ADAM32: variants seen among roughly 807,000 people sequenced by gnomAD.
The protein encoded by ADAM32 is disintegrin and metalloproteinase domain-containing protein 32.
In ADAM32, 89 loss-of-function variants were observed where a neutral mutation model predicts 114.9. That is an observed-to-expected ratio of 0.77 (90% CI 0.65 to 0.92). The LOEUF (loss-of-function observed/expected upper bound fraction) is 0.92. Among genes scored for constraint, ADAM32 ranks in the 40% least tolerant of loss-of-function variants. The pLI, the probability that ADAM32 is intolerant of heterozygous loss-of-function variation, is 0.00. For synonymous variants in ADAM32, 285 were observed against 307.5 expected (o/e 0.93, Z 0.77); for missense variants, 870 against 932.8 (o/e 0.93, Z 0.88).
At chr8:39,284,317 A>G (rs967563825) in intron 24 of ADAM32, among the ~76,000 whole-genome samples, 4 of 151,960 alleles carry the variant, frequency 2.6e-5, no homozygotes, top group African/African-American at 9.7e-5. Context: ...ATAATGCTTC[A>G]GGTCTATGAA....
At chr8:39,123,569 C>T (rs1193286526) in intron 2 of ADAM32, among the ~76,000 whole-genome samples, 1 of 152,192 alleles carries the variant, frequency 6.6e-6, no homozygotes, top group East Asian at 1.9e-4. Flanking sequence ...ATAGAGATTA[C>T]ATTTAATATG....
rs1459562001 is a variant in ADAM32 at position 39,190,524 on chromosome 8, T to C, written c.1052+3479T>C. On this transcript the variant is annotated intron_variant, in intron 11 of 24. Transcript: ENST00000379907. The stretch of plus-strand genomic sequence containing the variant: ...ACATTCCCACTGACAGCGTATGAGT[T>C]GCCTTTTCTCAACATCATCACCAGT... 2.0e-5 allele frequency among the ~76,000 whole-genome samples: 3 copies of C among 152,376 alleles called. No individual in the cohort carries two copies. The East Asian group carries it at 5.8e-4, about 29-fold the overall frequency.
intron 19 of ADAM32, among the ~76,000 whole-genome samples, chr8:39,266,771 G>A (rs1227818363): frequency 2.0e-5 from 3 of 152,176 alleles, no homozygotes; most frequent in Non-Finnish European, 4.4e-5. Context: ...TTTCTCATTT[G>A]TGTGGGCTGA....
At chr8:39,203,883 A>T (rs1331767979) in intron 11 of ADAM32, among the ~76,000 whole-genome samples, 1 of 152,018 alleles carries the variant, frequency 6.6e-6, no homozygotes, top group East Asian at 1.9e-4. Flanking sequence ...TTTCTCCTTC[A>T]CTTATGAAGC....
At chr8:39,243,146 A>G (rs753119626) in intron 16 of ADAM32, among the ~76,000 whole-genome samples, 7 of 152,168 alleles carry the variant, frequency 4.6e-5, no homozygotes, top group Non-Finnish European at 1.0e-4. Context: ...AATAAAAACC[A>G]TTACCAATGA....
At chr8:39,173,742 C>T (rs1277186074) in intron 10 of ADAM32, among the ~76,000 whole-genome samples, 1 of 152,088 alleles carries the variant, frequency 6.6e-6, no homozygotes, top group Non-Finnish European at 1.5e-5. Flanking sequence ...TTTCCCATGC[C>T]TCTGTCCTGA....
chr8:39,268,930 T>G (rs1364395453), intron 19 of ADAM32, among the ~76,000 whole-genome samples: 1 of 152,214 alleles, frequency 6.6e-6, no homozygotes, highest in African/African-American at 2.4e-5. Context: ...TATATTCAAC[T>G]CAGGTGGAAC....
intron 11 of ADAM32, among the ~76,000 whole-genome samples, chr8:39,203,280 G>T (rs1041906249): frequency 3.3e-5 from 5 of 152,064 alleles, no homozygotes; most frequent in Non-Finnish European, 5.9e-5. Context: ...TCTCTTTGTA[G>T]GTCTCTAAGG....
intron 3 of ADAM32, among the ~76,000 whole-genome samples, chr8:39,138,636 G>A (rs1802953297): frequency 2.0e-5 from 3 of 152,148 alleles, no homozygotes; most frequent in Admixed American, 2.0e-4. Flanking sequence ...ATAAACATAT[G>A]TGTGCATGTG....
intron 11 of ADAM32, among the ~76,000 whole-genome samples, chr8:39,189,465 T>C (rs1191895177): frequency 6.6e-6 from 1 of 152,166 alleles, no homozygotes; most frequent in East Asian, 1.9e-4. Context: ...AAATGTATTA[T>C]TATTATTGAA....
chr8:39,230,756 T>G (rs1393900784), intron 14 of ADAM32, among the ~76,000 whole-genome samples: 3 of 152,130 alleles, frequency 2.0e-5, no homozygotes, highest in Non-Finnish European at 4.4e-5. Flanking sequence ...GAAAAAAATG[T>G]GTATCATAGA....
At chr8:39,164,560 T>C (rs961443285) in intron 7 of ADAM32, among the ~76,000 whole-genome samples, 18 of 152,202 alleles carry the variant, frequency 1.2e-4, no homozygotes, top group African/African-American at 3.9e-4. Context: ...TACCAAATTA[T>C]TTTCCAGAGT....
rs201011367 is a variant in ADAM32, at chr8:39,217,115, A to ATT, written c.1234-4494_1234-4493insTT. Among the ~76,000 whole-genome samples, 615 of 131,678 alleles carry ATT rather than the reference A, an allele frequency of 4.7e-3. 1 individual carries two copies. The highest frequency in any genetic ancestry group is 0.018 in the African/African-American group (584 of 33,142). The allele number at this position is 131,678 out of a possible 152,430, so 86.4% of individuals were successfully genotyped here. A position where few individuals can be genotyped will look rare whatever the true frequency, so the allele number is the denominator to read the frequency against. ...CATTATGTTTAAAGAATATATATATATATTTTTTTACCAGATATGCTATCC... is the reference window on the plus strand; with the variant it reads ...CATTATGTTTAAAGAATATATATATATTTATTTTTTTACCAGATATGCTATCC... On this transcript the variant is annotated intron_variant, in intron 12 of 24. Transcript: ENST00000379907.
At chr8:39,227,635 C>T (rs1468299430) in intron 14 of ADAM32, among the ~76,000 whole-genome samples, 6 of 152,120 alleles carry the variant, frequency 3.9e-5, no homozygotes, top group South Asian at 2.1e-4. Flanking sequence ...CTCCAGTGAC[C>T]TGGGAATCTC....
At chr8:39,234,543 C>G (rs1367245631) in intron 16 of ADAM32, among the ~76,000 whole-genome samples, 3 of 152,118 alleles carry the variant, frequency 2.0e-5, no homozygotes, top group African/African-American at 7.2e-5. Context: ...GATATCTCAA[C>G]TGTACATAAA....
intron 11 of ADAM32, among the ~76,000 whole-genome samples, chr8:39,202,591 T>C (rs1585527996): frequency 6.6e-6 from 1 of 152,332 alleles, no homozygotes; most frequent in Non-Finnish European, 1.5e-5. Context: ...CCTGGATTCA[T>C]TGATTTTTTT....
At position 39,211,326 on chromosome 8, in the gene ADAM32, T is replaced by A; in HGVS notation, c.1233+2T>A. The A allele has an allele frequency of 6.7e-7, 1 of 1,487,954 alleles. No individual in the cohort carries two copies. The highest frequency in any genetic ancestry group is 8.9e-7 in the Non-Finnish European group (1 of 1,121,936). The allele number at this position is 1,487,954 out of a possible 1,614,324, so 92.2% of individuals were successfully genotyped here. On this transcript the variant is annotated splice_donor_variant, in intron 12 of 24. Transcript: ENST00000379907. LOFTEE classifies it high-confidence loss of function. Reference sequence around the variant, plus strand: ...ATCTGTGATTGTGGTACTGAGGCTGTAAGTATGATAACTAGGAAAATTGAT... The same window carrying A: ...ATCTGTGATTGTGGTACTGAGGCTGAAAGTATGATAACTAGGAAAATTGAT...
At chr8:39,254,265 T>C (rs755115239) in intron 17 of ADAM32, 149 bp from the exon 18 acceptor site, 17 of 549,424 alleles carry the variant, frequency 3.1e-5, no homozygotes, top group Non-Finnish European at 4.9e-5. Context: ...GTCTGTGTTG[T>C]AGTCTAAGAA....
intron 3 of ADAM32, among the ~76,000 whole-genome samples, chr8:39,141,041 C>T (rs1209387145): frequency 6.6e-6 from 1 of 152,102 alleles, no homozygotes; most frequent in African/African-American, 2.4e-5. Context: ...GTGATATCCC[C>T]TTTATCATTT....
Sources: gnomAD v4.1 joint callset for allele counts (sites outside exome capture counted in the v4.1 genomes callset) on GRCh38, gnomAD v4.1.1 for gene constraint, MANE v1.5 for transcripts, NCBI Gene and HGNC (gene_info 2026-07-23, HGNC 2026-07-21) for gene names.